Variants in PDLIM5 observed in about 807,000 individuals in gnomAD.
The protein encoded by PDLIM5 is PDZ and LIM domain protein 5.
In PDLIM5, 34 loss-of-function variants were observed where a neutral mutation model predicts 64.2. The observed-to-expected ratio is 0.53, with a 90% CI of 0.40 to 0.71. The LOEUF is 0.71. PDLIM5 is among the 30% of genes least tolerant of loss of function. PDLIM5 has a pLI of 0.00. For missense variants in PDLIM5, 683 were observed against 733.6 expected (o/e 0.93, Z 0.80); for synonymous variants, 253 against 269.1 (o/e 0.94, Z 0.59).
intron 2 of PDLIM5, among the ~76,000 whole-genome samples, chr4:94,490,037 C>T (rs1726721256): frequency 6.6e-6 from 1 of 151,148 alleles, no homozygotes; most frequent in Non-Finnish European, 1.5e-5. Flanking sequence ...TTTTTTATAT[C>T]CAGAAATTTT....
rs750975194 is a variant in PDLIM5, at chr4:94,640,296, T to C, written c.1129T>C (p.Ser377Pro). 3.1e-6 allele frequency: 5 copies of C among 1,608,118 alleles called. No homozygotes were observed. In the African/African-American group the frequency reaches 6.7e-5, roughly 22 times the overall value. ...NQGVPSTGRI[S>P]NSATYSGSVA... ...CCTAGTACCTTCCACTGGAAGAATC[T>C]CAAACAGCGCTACTTACTCAGGATC... Residue 377 changes from serine to proline, a missense_variant, in exon 9 of 13, where the codon TCA becomes CCA. Physicochemically the swap from Ser to Pro is moderately conservative, Grantham distance 74 (BLOSUM62 -1). Coordinates refer to ENST00000317968, the MANE Select transcript of PDLIM5 (RefSeq NM_006457.5).
At chr4:94,454,239 T>A (rs2126069356) in intron 1 of PDLIM5, among the ~76,000 whole-genome samples, 1 of 152,212 alleles carries the variant, frequency 6.6e-6, no homozygotes, top group South Asian at 2.1e-4. Flanking sequence ...AGAGAGAGAA[T>A]TATTGTTTCT....
intron 2 of PDLIM5, among the ~76,000 whole-genome samples, chr4:94,469,785 A>T (rs1374198881): frequency 1.1e-4 from 16 of 151,894 alleles, no homozygotes; most frequent in Admixed American, 3.3e-4. Context: ...AGAATTTAAA[A>T]TTTTTTTTGA....
chr4:94,510,028 A>G (rs1274682705), intron 2 of PDLIM5, among the ~76,000 whole-genome samples: 1 of 152,200 alleles, frequency 6.6e-6, no homozygotes, highest in Non-Finnish European at 1.5e-5. Context: ...TCTTACAGTC[A>G]TCAGCATCTG....
intron 3 of PDLIM5, among the ~76,000 whole-genome samples, chr4:94,551,826 G>A (rs905412550): frequency 5.9e-5 from 9 of 152,132 alleles, no homozygotes; most frequent in Admixed American, 4.6e-4. Flanking sequence ...AGAAAGAATA[G>A]TTTTCCTGTG....
intron 2 of PDLIM5, among the ~76,000 whole-genome samples, chr4:94,507,854 A>G (rs746239988): frequency 6.6e-6 from 1 of 152,218 alleles, no homozygotes; most frequent in African/African-American, 2.4e-5. Flanking sequence ...ATCAGCAGAC[A>G]GTGTGCTGGA....
chr4:94,598,827 G>C (rs1737265054), intron 7 of PDLIM5, among the ~76,000 whole-genome samples: 1 of 152,058 alleles, frequency 6.6e-6, no homozygotes, highest in Non-Finnish European at 1.5e-5. Context: ...TAGAGAAAAA[G>C]AAAATAATTT....
intron 8 of PDLIM5, among the ~76,000 whole-genome samples, chr4:94,630,327 C>T (rs960679317): frequency 6.6e-6 from 1 of 152,038 alleles, no homozygotes; most frequent in African/African-American, 2.4e-5. Flanking sequence ...GGGCTGTCAA[C>T]ATTTGTCTTT....
intron 3 of PDLIM5, among the ~76,000 whole-genome samples, chr4:94,554,655 T>G (rs1264526887): frequency 6.6e-6 from 1 of 152,208 alleles, no homozygotes; most frequent in Non-Finnish European, 1.5e-5. Flanking sequence ...GCATATGATA[T>G]AAGAGCATGA....
At chr4:94,530,048 CTG>C (rs754315483) in intron 3 of PDLIM5, among the ~76,000 whole-genome samples, 8 of 152,142 alleles carry the variant, frequency 5.3e-5, no homozygotes, top group Non-Finnish European at 1.2e-4. Context: ...AGGTGTTTAA[CTG>C]TTCCATTTAT....
intron 7 of PDLIM5, among the ~76,000 whole-genome samples, chr4:94,596,603 T>C (rs1737087898): frequency 6.6e-6 from 1 of 152,052 alleles, no homozygotes; most frequent in African/African-American, 2.4e-5. Flanking sequence ...ATAGGCAGAC[T>C]TCAAAATCAT....
rs576387802 is a variant in PDLIM5 at position 94,491,090 on chromosome 4, G to T, written c.97-32634G>T. On this transcript the variant is annotated intron_variant, in intron 2 of 12. Coordinates refer to ENST00000317968, the MANE Select transcript of PDLIM5 (RefSeq NM_006457.5). ...TGGACCTTGTTTGTGTTTACTAACA[G>T]AAATCTTTGATATATTAATTGAGAG... 3.3e-5 allele frequency among the ~76,000 whole-genome samples: 5 copies of T among 152,278 alleles called. No individual in the cohort carries two copies. In the South Asian group the frequency reaches 1.0e-3, roughly 32 times the overall value.
chr4:94,558,731 C>T (rs1733584872), intron 3 of PDLIM5, among the ~76,000 whole-genome samples: 3 of 146,050 alleles, frequency 2.1e-5, no homozygotes, highest in Admixed American at 2.0e-4. Flanking sequence ...TTTCTTGTTG[C>T]TTTTTTTTTT....
In PDLIM5 at chr4:94,540,225, G is replaced by A. The variant is rs564696972; in HGVS notation, c.248+16350G>A. Reference sequence around the variant, plus strand: ...GGCTCATTGCAAGCTCTGCCTCCCGGGTTCACACGCCATTCTCCTGCCTCA... The same window carrying A: ...GGCTCATTGCAAGCTCTGCCTCCCGAGTTCACACGCCATTCTCCTGCCTCA... On this transcript the variant is annotated intron_variant, in intron 3 of 12. Transcript: ENST00000317968. Among the ~76,000 whole-genome samples, 15 of 151,548 alleles carry A rather than the reference G, an allele frequency of 9.9e-5. No individual in the cohort carries two copies. The East Asian group carries it at 2.5e-3, about 26-fold the overall frequency.
At chr4:94,582,395 C>G (rs1159946561) in intron 5 of PDLIM5, among the ~76,000 whole-genome samples, 1 of 152,074 alleles carries the variant, frequency 6.6e-6, no homozygotes, top group African/African-American at 2.4e-5. Flanking sequence ...CTTTCAGTCA[C>G]TTGATACTTG....
At chr4:94,607,981 T>C (rs570493641) in intron 7 of PDLIM5, 1 of 965,014 alleles carries the variant, frequency 1.0e-6, no homozygotes, top group African/African-American at 1.7e-5. Flanking sequence ...ATTTAAAAGA[T>C]GGTATAGATG....
chr4:94,495,619 T>G (rs1011478535), intron 2 of PDLIM5, among the ~76,000 whole-genome samples: 1 of 152,128 alleles, frequency 6.6e-6, no homozygotes, highest in African/African-American at 2.4e-5. Context: ...ACTTCTGAGC[T>G]GTAACTGGAA....
At chr4:94,560,501 T>C (rs1333415987) in intron 3 of PDLIM5, among the ~76,000 whole-genome samples, 1 of 152,236 alleles carries the variant, frequency 6.6e-6, no homozygotes, top group East Asian at 1.9e-4. Context: ...TTAGGTTTAG[T>C]GTCCTGAGTA....
rs1470011132 is a variant in PDLIM5, at chr4:94,666,928, C to G, written c.*2861C>G. ...ATAATCCAGAAGAATCTCTCTGTTT[C>G]CCTTGGGGAATGCCATATTTAATTC... On this transcript the variant is annotated 3_prime_UTR_variant, in exon 13 of 13. Transcript: ENST00000317968. 6.6e-6 allele frequency: 1 copy of G among 152,110 alleles called. No individual in the cohort carries two copies. Among genetic ancestry groups the G allele is most frequent in the Non-Finnish European group, 1.5e-5 (1 of 68,020 alleles). 9.4% of individuals were successfully genotyped at this position (152,110 alleles called of 1,614,324 possible). A position where few individuals can be genotyped will look rare whatever the true frequency, so the allele number is the denominator to read the frequency against.
Sources: gnomAD v4.1 joint callset for allele counts (sites outside exome capture counted in the v4.1 genomes callset) on GRCh38, gnomAD v4.1.1 for gene constraint, MANE v1.5 for transcripts, NCBI Gene and HGNC (gene_info 2026-07-23, HGNC 2026-07-21) for gene names.